DLGAP1: variants seen among roughly 807,000 people sequenced by gnomAD.
DLGAP1 encodes the protein DLG associated protein 1.
Under a neutral mutation model 90.8 loss-of-function variants are expected in DLGAP1, and 11 were observed. The ratio of observed to expected loss-of-function variants is 0.12; its 90% CI spans 0.08 to 0.20. DLGAP1 has a LOEUF of 0.20. Among genes scored for constraint, DLGAP1 ranks in the 10% least tolerant of loss-of-function variants. The pLI, the probability that DLGAP1 is intolerant of heterozygous loss-of-function variation, is 1.00. For synonymous variants in DLGAP1, 558 were observed against 540.7 expected, an observed-to-expected ratio of 1.03 and a Z score of -0.44; for missense variants, 1,050 against 1,333.8, an observed-to-expected ratio of 0.79 and a Z score of 3.31.
intron 2 of DLGAP1, among the ~76,000 whole-genome samples, chr18:4,071,473 T>C (rs576760418): frequency 5.4e-5 from 8 of 149,234 alleles, no homozygotes; most frequent in African/African-American, 2.0e-4. Context: ...CTTTAATGAT[T>C]TCAAGCACAA....
In DLGAP1 at chr18:3,839,305, T is replaced by A. The variant is rs2068574975; in HGVS notation, c.958-25032A>T. ...AGAATCAATAAAATCAATAGACTTA[T>A]ATTTGTCTCTAGGGGGTCTACTGTC... On this transcript the variant is annotated intron_variant, in intron 4 of 12. Coordinates refer to ENST00000315677, the MANE Select transcript of DLGAP1 (RefSeq NM_004746.4). Among the ~76,000 whole-genome samples the A allele has an allele frequency of 5.3e-5, 8 of 152,234 alleles. No homozygotes were observed. The South Asian group carries it at 1.5e-3, about 28-fold the overall frequency.
At chr18:3,965,953 A>G (rs2073320315) in intron 3 of DLGAP1, among the ~76,000 whole-genome samples, 1 of 151,598 alleles carries the variant, frequency 6.6e-6, no homozygotes, top group East Asian at 2.0e-4. Flanking sequence ...AAAAAAAAAA[A>G]AAAAATAGAG....
chr18:3,946,964 G>C (rs570401388), intron 3 of DLGAP1, among the ~76,000 whole-genome samples: 1 of 152,140 alleles, frequency 6.6e-6, no homozygotes, highest in South Asian at 2.1e-4. Flanking sequence ...ATATTTTAGG[G>C]GGGAGACTTA....
chr18:3,547,670 G>T (rs1301221080), intron 9 of DLGAP1, among the ~76,000 whole-genome samples: 1 of 152,124 alleles, frequency 6.6e-6, no homozygotes, highest in East Asian at 1.9e-4. Flanking sequence ...CATTGTTGGT[G>T]GGGATGGTAA....
chr18:4,289,041 C>T (rs376789578), intron 1 of DLGAP1, among the ~76,000 whole-genome samples: 33 of 152,146 alleles, frequency 2.2e-4, no homozygotes, highest in African/African-American at 6.7e-4. Flanking sequence ...AAAATGAAAA[C>T]GGAATAACAG....
intron 1 of DLGAP1, among the ~76,000 whole-genome samples, chr18:4,366,763 C>G (rs559460776): frequency 2.6e-5 from 4 of 151,802 alleles, no homozygotes; most frequent in African/African-American, 9.6e-5. Flanking sequence ...CAAAACTGAA[C>G]TCTTTCTACT....
At chr18:3,572,394 C>T (rs551785863) in intron 8 of DLGAP1, among the ~76,000 whole-genome samples, 4 of 151,174 alleles carry the variant, frequency 2.6e-5, no homozygotes, top group Non-Finnish European at 4.4e-5. Context: ...TCTAGCATTT[C>T]GTCTTTAAGC....
At chr18:4,012,370 C>A (rs927284500) in intron 2 of DLGAP1, among the ~76,000 whole-genome samples, 3 of 152,166 alleles carry the variant, frequency 2.0e-5, no homozygotes, top group Non-Finnish European at 4.4e-5. Flanking sequence ...TGCCATCCCC[C>A]CCTCTGCCAC....
chr18:3,859,698 G>C (rs2069902922), intron 4 of DLGAP1, among the ~76,000 whole-genome samples: 1 of 152,078 alleles, frequency 6.6e-6, no homozygotes, highest in African/African-American at 2.4e-5. Context: ...GCAAGAAAAG[G>C]GTGTCTTCTC....
intron 5 of DLGAP1, among the ~76,000 whole-genome samples, chr18:3,791,784 C>A (rs80232197): frequency 6.6e-5 from 10 of 152,242 alleles, no homozygotes; most frequent in Non-Finnish European, 1.5e-4. Flanking sequence ...TGGTGGTACA[C>A]GCCTGTGGTC....
chr18:4,091,998 A>AAAT (rs1299929984), intron 2 of DLGAP1, among the ~76,000 whole-genome samples: 1 of 152,102 alleles, frequency 6.6e-6, no homozygotes, highest in Non-Finnish European at 1.5e-5. Flanking sequence ...CTATGTCTGG[A>AAAT]AACGGCACAC....
intron 7 of DLGAP1, among the ~76,000 whole-genome samples, chr18:3,674,296 A>T (rs113579841): frequency 0.016 from 2,051 of 128,268 alleles, 77 homozygotes; most frequent in African/African-American, 0.058. Context: ...ATAATATTAA[A>T]ATATATATAT....
At chr18:3,618,938 C>CA (rs35538124) in intron 7 of DLGAP1, among the ~76,000 whole-genome samples, 76 of 132,180 alleles carry the variant, frequency 5.7e-4, no homozygotes, top group Admixed American at 1.1e-3. Context: ...GACTCCGTCT[C>CA]AAAAAAAAAA....
intron 2 of DLGAP1, among the ~76,000 whole-genome samples, chr18:4,130,644 C>A (rs757066760): frequency 3.9e-5 from 6 of 152,062 alleles, no homozygotes; most frequent in Non-Finnish European, 8.8e-5. Context: ...GTAGAAGGGG[C>A]AGGACCACAC....
At chr18:4,076,546 A>C (rs1441515100) in intron 2 of DLGAP1, among the ~76,000 whole-genome samples, 1 of 152,164 alleles carries the variant, frequency 6.6e-6, no homozygotes, top group Non-Finnish European at 1.5e-5. Flanking sequence ...GCTTTGATTT[A>C]AATACTTTAA....
intron 6 of DLGAP1, among the ~76,000 whole-genome samples, chr18:3,735,817 C>A (rs935970934): frequency 1.2e-4 from 18 of 152,018 alleles, no homozygotes; most frequent in African/African-American, 4.4e-4. Flanking sequence ...TTATTGCCAC[C>A]AATACCAGCA....
intron 3 of DLGAP1, among the ~76,000 whole-genome samples, chr18:3,966,401 C>T (rs1004509774): frequency 6.6e-6 from 1 of 151,998 alleles, no homozygotes; most frequent in Non-Finnish European, 1.5e-5. Context: ...TCTAATTCAC[C>T]CTACCACAAA....
intron 1 of DLGAP1, among the ~76,000 whole-genome samples, chr18:4,372,506 A>T (rs958177886): frequency 6.6e-6 from 1 of 152,096 alleles, no homozygotes; most frequent in African/African-American, 2.4e-5. Flanking sequence ...GAGTGTCACT[A>T]CTCCTGACTG....
chr18:3,523,683 T>TAA (rs537654481), intron 10 of DLGAP1, among the ~76,000 whole-genome samples: 1 of 151,596 alleles, frequency 6.6e-6, no homozygotes, highest in Non-Finnish European at 1.5e-5. Context: ...CCGTCTCTAC[T>TAA]AAAAATACAA....
Sources: allele counts gnomAD v4.1 joint callset (sites outside exome capture counted in the v4.1 genomes callset), GRCh38; gene constraint gnomAD v4.1.1; transcripts MANE v1.5; gene names NCBI Gene and HGNC (gene_info 2026-07-23, HGNC 2026-07-21).